The following PLAC1 variants were observed in gnomAD, a reference collection of about 807,000 sequenced individuals.
PLAC1 encodes the protein placenta-specific protein 1.
For missense variants in PLAC1, 136 were observed against 163.2 expected (o/e 0.83, Z 0.91); for synonymous variants, 68 against 62.1 (o/e 1.09, Z -0.44).
At chrX:134,678,716 G>A (rs1411067278) in intron 2 of PLAC1, among the ~76,000 whole-genome samples, 1 of 111,946 alleles carries the variant, frequency 8.9e-6, no homozygotes, top group African/African-American at 3.3e-5. Flanking sequence ...AGTAGGAGTG[G>A]TGGGTTGAAT....
intron 1 of PLAC1, among the ~76,000 whole-genome samples, chrX:134,631,976 A>G (rs777130947): frequency 8.9e-6 from 1 of 112,351 alleles, no homozygotes; most frequent in Non-Finnish European, 1.9e-5. Context: ...AGCTGCAGAA[A>G]GACTGAAGGT....
intron 2 of PLAC1, among the ~76,000 whole-genome samples, chrX:134,679,298 C>T (rs906599692): frequency 6.3e-5 from 7 of 110,800 alleles, no homozygotes; most frequent in African/African-American, 2.3e-4. Flanking sequence ...AGAGGGATGT[C>T]GAGTAGGCCG....
At chrX:134,593,341 C>T (rs1455721240) in intron 2 of PLAC1, among the ~76,000 whole-genome samples, 1 of 111,880 alleles carries the variant, frequency 8.9e-6, no homozygotes, top group African/African-American at 3.2e-5. Context: ...TCAACTGATT[C>T]CTCCCACTTT....
intron 2 of PLAC1, among the ~76,000 whole-genome samples, chrX:134,590,196 A>AAAATAAAT (rs371123358): frequency 0.059 from 6,101 of 103,364 alleles, 221 homozygotes; most frequent in East Asian, 0.2. Flanking sequence ...CTCCATCTCA[A>AAAATAAAT]AAATAAATAA....
chrX:134,568,978 C>T (rs5978018), intron 2 of PLAC1, among the ~76,000 whole-genome samples: 6,788 of 110,570 alleles, frequency 0.061, 538 homozygotes, highest in African/African-American at 0.21. Flanking sequence ...CTCCTTCTTT[C>T]CTTCTTTCTT....
chrX:134,617,944 C>T (rs1424936182), intron 1 of PLAC1, among the ~76,000 whole-genome samples: 2 of 112,101 alleles, frequency 1.8e-5, no homozygotes, highest in Admixed American at 9.5e-5. Context: ...TTCTCCAGCA[C>T]CTGCTCTGCT....
intron 2 of PLAC1, among the ~76,000 whole-genome samples, chrX:134,670,454 T>C (rs2078451995): frequency 9.0e-6 from 1 of 111,350 alleles, no homozygotes; most frequent in South Asian, 3.9e-4. Context: ...AGTCAGGCAG[T>C]CAGTCTCTCA....
chrX:134,746,127 C>T (rs770289510), intron 1 of PLAC1, among the ~76,000 whole-genome samples: 1 of 112,716 alleles, frequency 8.9e-6, no homozygotes, highest in African/African-American at 3.2e-5. Flanking sequence ...AGCCAGATTA[C>T]TTGCAGTGCT....
intron 2 of PLAC1, among the ~76,000 whole-genome samples, chrX:134,715,498 C>T (rs1041043547): frequency 4.6e-5 from 5 of 108,004 alleles, no homozygotes; most frequent in African/African-American, 1.7e-4. Context: ...CCTTGGGCTA[C>T]TGCTATTCAA....
At chrX:134,657,923 A>T (rs1446072031) in intron 1 of PLAC1, among the ~76,000 whole-genome samples, 1 of 112,096 alleles carries the variant, frequency 8.9e-6, no homozygotes, top group East Asian at 2.8e-4. Flanking sequence ...AGACTGGGAA[A>T]TATGTGTAGG....
At chrX:134,755,284 T>C (rs2078753960) in intron 1 of PLAC1, among the ~76,000 whole-genome samples, 1 of 112,517 alleles carries the variant, frequency 8.9e-6, no homozygotes, top group Non-Finnish European at 1.9e-5. Context: ...CATCCAACTA[T>C]TAAGTGGTAG....
chrX:134,582,117 G>C (rs1441422488), intron 2 of PLAC1, among the ~76,000 whole-genome samples: 1 of 112,485 alleles, frequency 8.9e-6, no homozygotes, highest in South Asian at 3.7e-4. Flanking sequence ...AGGGAAGTGA[G>C]GCATTCCTTA....
chrX:134,690,113 A>G (rs1424774604), intron 2 of PLAC1, among the ~76,000 whole-genome samples: 1 of 111,969 alleles, frequency 8.9e-6, no homozygotes, highest in African/African-American at 3.3e-5. Context: ...GAGATCCTTC[A>G]GTATTTTGTG....
intron 1 of PLAC1, among the ~76,000 whole-genome samples, chrX:134,629,087 C>G (rs1355881216): frequency 9.0e-6 from 1 of 111,652 alleles, no homozygotes; most frequent in Non-Finnish European, 1.9e-5. Flanking sequence ...CATGGCTCAC[C>G]ACAGCTTCAA....
At chrX:134,750,584 T>C (rs1206121936) in intron 1 of PLAC1, among the ~76,000 whole-genome samples, 2 of 106,254 alleles carry the variant, frequency 1.9e-5, no homozygotes, top group African/African-American at 7.0e-5. Flanking sequence ...CCCATTTTCT[T>C]ACTCCCACAT....
At chrX:134,612,207 C>T (rs959722171) in intron 1 of PLAC1, among the ~76,000 whole-genome samples, 5 of 111,815 alleles carry the variant, frequency 4.5e-5, no homozygotes, top group Admixed American at 9.5e-5. Context: ...CAGTTCAAAC[C>T]CCAGCTTTCC....
intron 1 of PLAC1, among the ~76,000 whole-genome samples, chrX:134,756,340 GT>G (rs777026246): frequency 0.027 from 2,618 of 97,721 alleles, 16 homozygotes; most frequent in Non-Finnish European, 0.036. Context: ...GTGCCTATAT[GT>G]TTTTTTTTTT....
intron 2 of PLAC1, among the ~76,000 whole-genome samples, chrX:134,669,062 T>C (rs748563556): frequency 8.9e-6 from 1 of 112,431 alleles, no homozygotes; most frequent in Non-Finnish European, 1.9e-5. Flanking sequence ...CAGCAGGATC[T>C]GTTAGGCCTG....
intron 2 of PLAC1, among the ~76,000 whole-genome samples, chrX:134,683,943 G>A (rs2078506994): frequency 8.9e-6 from 1 of 112,088 alleles, no homozygotes; most frequent in African/African-American, 3.3e-5. Flanking sequence ...CTACAGGCAA[G>A]GTATCAGAAG....
Sources: allele counts gnomAD v4.1 joint callset (sites outside exome capture counted in the v4.1 genomes callset), GRCh38; gene constraint gnomAD v4.1.1; transcripts MANE v1.5; gene names NCBI Gene and HGNC (gene_info 2026-07-23, HGNC 2026-07-21).